C4orf50: variants seen among roughly 807,000 people sequenced by gnomAD.
C4orf50 encodes the protein chromosome 4 open reading frame 50.
Under a neutral mutation model 77.2 loss-of-function variants are expected in C4orf50, and 80 were observed. The observed-to-expected ratio is 1.04, with a 90% CI of 0.87 to 1.25. The LOEUF (loss-of-function observed/expected upper bound fraction) is 1.25, where lower values mean the gene tolerates loss of function less well. Ranked by LOEUF, C4orf50 falls within the 50% of genes most tolerant of loss-of-function variation. The pLI, the probability that C4orf50 is intolerant of heterozygous loss-of-function variation, is 0.00. For missense variants in C4orf50, 1,257 were observed against 1,152.9 expected, an observed-to-expected ratio of 1.09 and a Z score of -1.31; for synonymous variants, 532 against 465.3, an observed-to-expected ratio of 1.14 and a Z score of -1.84.
chr4:5,976,490 C>T (rs1003831637), intron 29 of C4orf50, among the ~76,000 whole-genome samples: 1 of 149,618 alleles, frequency 6.7e-6, no homozygotes, highest in African/African-American at 2.5e-5. Flanking sequence ...AAAGAATCAG[C>T]TCTGCCCAGC....
chr4:5,912,996 A>AT (rs1174582754), intron 7 of C4orf50, among the ~76,000 whole-genome samples: 3 of 152,204 alleles, frequency 2.0e-5, no homozygotes, highest in Non-Finnish European at 4.4e-5. Context: ...CAGGGGAGTC[A>AT]TTTCCATCTC....
intron 7 of C4orf50, among the ~76,000 whole-genome samples, chr4:5,947,782 C>A (rs1718545790): frequency 6.6e-6 from 1 of 152,212 alleles, no homozygotes; most frequent in Non-Finnish European, 1.5e-5. Context: ...AGGATACCGG[C>A]TGGATCGTCC....
chr4:5,925,286 G>C (rs1717466939), intron 7 of C4orf50, among the ~76,000 whole-genome samples: 1 of 152,026 alleles, frequency 6.6e-6, no homozygotes, highest in South Asian at 2.1e-4. Flanking sequence ...GTGGGGGGTG[G>C]GCTCTAGTGG....
chr4:6,003,792 A>ATGATGG (rs1721972153), intron 25 of C4orf50, among the ~76,000 whole-genome samples: 7 of 132,046 alleles, frequency 5.3e-5, no homozygotes, highest in Non-Finnish European at 6.4e-5. Flanking sequence ...GGTGATGGTG[A>ATGATGG]TGATGGTGAT....
chr4:5,989,182 T>C (rs1721098566), exon 28 of C4orf50: 1 of 1,536,102 alleles, frequency 6.5e-7, no homozygotes, highest in Non-Finnish European at 8.7e-7. Flanking sequence ...CACTCTTTCA[T>C]GGAACCTCTC....
Position 5,992,155 on chromosome 4 carries a change from A to G in C4orf50, c.1221+648T>C, listed in dbSNP as rs1444528198. 6.6e-6 allele frequency among the ~76,000 whole-genome samples: 1 copy of G among 152,212 alleles called. No homozygotes were observed. The highest frequency in any genetic ancestry group is 1.9e-4 in the East Asian group (1 of 5,186). ...GGAAGGGGGCGGTGAGGAGCGAGGC[A>G]TATAGGGATGTGACATCCAACAACA... is the stretch of plus-strand genomic sequence containing the variant. On this transcript the variant is annotated intron_variant, in intron 27 of 33. Transcript: ENST00000531445. The surrounding 1 kb of genome is among the most constrained non-coding windows in gnomAD (Gnocchi z 5.0).
At chr4:5,976,526 C>T (rs1237872887) in intron 29 of C4orf50, among the ~76,000 whole-genome samples, 1 of 151,682 alleles carries the variant, frequency 6.6e-6, no homozygotes, top group Non-Finnish European at 1.5e-5. Flanking sequence ...CAGCTCCAAG[C>T]CCTCTTCTGA....
intron 25 of C4orf50, among the ~76,000 whole-genome samples, chr4:6,002,119 G>C (rs1464627871): frequency 6.6e-6 from 1 of 152,216 alleles, no homozygotes; most frequent in African/African-American, 2.4e-5. Context: ...TTAAGGTGAG[G>C]CCATACTGGA....
exon 28 of C4orf50, chr4:5,989,957 C>T: frequency 7.1e-7 from 1 of 1,418,062 alleles, no homozygotes; most frequent in Non-Finnish European, 9.2e-7. Context: ...GCTGTCCTCC[C>T]AGTGGCTCTG....
intron 7 of C4orf50, among the ~76,000 whole-genome samples, chr4:5,917,991 G>A (rs1410827828): frequency 1.3e-5 from 2 of 152,158 alleles, no homozygotes; most frequent in Admixed American, 6.5e-5. Flanking sequence ...CGCAAATGAC[G>A]ACTAAGAAAA....
In C4orf50 at chr4:5,968,798, C is replaced by G. The variant is rs557212702; in HGVS notation, c.4105-1336G>C. Among the ~76,000 whole-genome samples, 4 of 152,132 alleles carry G rather than the reference C, an allele frequency of 2.6e-5. No homozygotes were observed. In the East Asian group the frequency reaches 7.7e-4, roughly 29 times the overall value. ...TCATTAGACAGAGGCTCCTTCAACG[C>G]GAGACTGGGGTTTTGTTCGCCTTCG... On this transcript the variant is annotated intron_variant, in intron 31 of 33. Coordinates refer to ENST00000531445, the Ensembl canonical transcript of C4orf50.
At chr4:6,012,625 A>G (rs72616116) in intron 23 of C4orf50, among the ~76,000 whole-genome samples, 35,205 of 152,180 alleles carry the variant, frequency 0.23, 4,678 homozygotes, top group East Asian at 0.62. Flanking sequence ...AGTCACAGGA[A>G]GACTTTGCAT....
Position 5,927,398 on chromosome 4 carries a change from T to C in C4orf50, c.*2475-29210A>G, listed in dbSNP as rs181464088. ...TTTCCCCTGCCTGGAGCTTACTCTC[T>C]TGCTTTCTGTCTCTGCCCTCTGCTT... On this transcript the variant is annotated intron_variant, in intron 7 of 7. Transcript: ENST00000324058. Among the ~76,000 whole-genome samples the C allele has an allele frequency of 3.3e-5, 5 of 152,150 alleles. No homozygotes were observed. In the East Asian group the frequency reaches 9.7e-4, roughly 30 times the overall value.
intron 7 of C4orf50, among the ~76,000 whole-genome samples, chr4:5,934,342 C>G (rs1717912864): frequency 6.6e-6 from 1 of 152,180 alleles, no homozygotes; most frequent in South Asian, 2.1e-4. Context: ...CTGCAGATTC[C>G]TCTGCAAGCT....
In C4orf50 at chr4:5,951,341, G is replaced by A. The variant is rs540731803; in HGVS notation, c.*2474+5560C>T. ...AGCCACCTGCATTGAGGGAATGAAG[G>A]GGGGTGGTGGCACATGATTGTGAAG... On this transcript the variant is annotated intron_variant, in intron 7 of 7. Coordinates refer to the C4orf50 transcript ENST00000324058. Among the ~76,000 whole-genome samples, 13 of 151,996 alleles carry A rather than the reference G, an allele frequency of 8.6e-5. No individual in the cohort carries two copies. The South Asian group carries it at 2.7e-3, about 32-fold the overall frequency.
intron 7 of C4orf50, among the ~76,000 whole-genome samples, chr4:5,936,811 T>A (rs1374012766): frequency 6.6e-6 from 1 of 152,042 alleles, no homozygotes; most frequent in Non-Finnish European, 1.5e-5. Context: ...AATGAATATA[T>A]GTCTTATAGC....
intron 7 of C4orf50, among the ~76,000 whole-genome samples, chr4:5,931,516 G>T (rs968089996): frequency 6.6e-6 from 1 of 152,176 alleles, no homozygotes; most frequent in Non-Finnish European, 1.5e-5. Context: ...TTTCCCCAAG[G>T]TCATGCAGCC....
At chr4:5,981,390 C>T (rs901445305) in intron 28 of C4orf50, among the ~76,000 whole-genome samples, 1 of 145,542 alleles carries the variant, frequency 6.9e-6, no homozygotes, top group Admixed American at 7.1e-5. Context: ...TCCAGGTGAA[C>T]AAAGTGAGTA....
chr4:6,004,195 T>C (rs111203615), intron 25 of C4orf50, among the ~76,000 whole-genome samples: 1,055 of 137,378 alleles, frequency 7.7e-3, no homozygotes, highest in African/African-American at 0.021. Context: ...ATGGTGATGA[T>C]GGTGATGGTG....
Sources: allele counts gnomAD v4.1 joint callset (sites outside exome capture counted in the v4.1 genomes callset), GRCh38; gene constraint gnomAD v4.1.1; non-coding constraint Gnocchi (gnomAD v3.1); transcripts MANE v1.5; gene names NCBI Gene and HGNC (gene_info 2026-07-23, HGNC 2026-07-21).